PGM1: variants seen among roughly 807,000 people sequenced by gnomAD.
PGM1 encodes phosphoglucomutase 1, also known as phosphoglucomutase-1.
A neutral mutation model predicts 55.6 loss-of-function variants in PGM1; 52 were observed. The ratio of observed to expected loss-of-function variants is 0.94; its 90% CI spans 0.75 to 1.18. The LOEUF is 1.18. Among genes scored for constraint, PGM1 ranks in the 50% most tolerant of loss-of-function variants. PGM1 has a pLI of 0.00. For synonymous variants in PGM1, 287 were observed against 271.7 expected (o/e 1.06, Z -0.55); for missense variants, 724 against 729.3 (o/e 0.99, Z 0.08).
rs1341240302 is a variant in PGM1, at chr1:63,593,482, C to T, written c.-7C>T. On this transcript the variant is annotated 5_prime_UTR_variant, in exon 1 of 11. Coordinates refer to ENST00000371084, the MANE Select transcript of PGM1 (RefSeq NM_002633.3). ...GCCGCTCTGACCCCCGGCAGCAAGT[C>T]GCCACCATGGTGAAGATCGTGACAG... 1 of 1,613,430 alleles carries T rather than the reference C, an allele frequency of 6.2e-7. No homozygotes were observed. Among genetic ancestry groups the T allele is most frequent in the African/African-American group, 1.3e-5 (1 of 74,914 alleles).
chr1:63,634,586 A>T (rs887512820), intron 4 of PGM1, among the ~76,000 whole-genome samples: 1 of 151,856 alleles, frequency 6.6e-6, no homozygotes, highest in Non-Finnish European at 1.5e-5. Context: ...TCCTTTCCCC[A>T]CTCTGCCCTT....
chr1:63,611,618 C>A (rs568816379), intron 1 of PGM1, among the ~76,000 whole-genome samples: 42 of 152,260 alleles, frequency 2.8e-4, no homozygotes, highest in Non-Finnish European at 5.0e-4. Flanking sequence ...AAAAAGCTAT[C>A]TGTAGGCCGG....
intron 9 of PGM1, among the ~76,000 whole-genome samples, chr1:63,652,490 A>G (rs112320150): frequency 1.3e-5 from 2 of 152,178 alleles, no homozygotes; most frequent in African/African-American, 4.8e-5. Context: ...CGGGTACCCT[A>G]GGCTGCAGGC....
intron 1 of PGM1, among the ~76,000 whole-genome samples, chr1:63,626,732 CAT>C (rs1179203457): frequency 2.6e-5 from 4 of 152,152 alleles, no homozygotes; most frequent in Admixed American, 2.6e-4. Flanking sequence ...GTGGTAAAAA[CAT>C]GTAATAAAAT....
intron 7 of PGM1, among the ~76,000 whole-genome samples, chr1:63,640,617 A>G (rs1649490246): frequency 6.6e-6 from 1 of 152,156 alleles, no homozygotes; most frequent in South Asian, 2.1e-4. Flanking sequence ...AGCCTTGGTC[A>G]AGAGGGATCA....
At chr1:63,629,360 T>C in intron 1 of PGM1, 65 bp from the exon 2 acceptor site, 2 of 1,365,192 alleles carry the variant, frequency 1.5e-6, no homozygotes, top group Non-Finnish European at 2.1e-6. Flanking sequence ...GTCTTGGTGT[T>C]GTTTCTGAGC....
chr1:63,623,198 G>T (rs935383569), intron 1 of PGM1: 20 of 1,303,304 alleles, frequency 1.5e-5, no homozygotes, highest in Non-Finnish European at 1.8e-5. Context: ...TGGTTAAGTG[G>T]GCAGAAGTGT....
At chr1:63,638,384 A>C (rs561910749) in intron 6 of PGM1, among the ~76,000 whole-genome samples, 3 of 152,328 alleles carry the variant, frequency 2.0e-5, no homozygotes, top group Admixed American at 6.5e-5. Flanking sequence ...TGTATCCAAA[A>C]TGTGGATTTA....
At chr1:63,631,882 T>C in intron 4 of PGM1, 100 bp downstream of exon 4, 2 of 1,161,784 alleles carry the variant, frequency 1.7e-6, no homozygotes, top group Non-Finnish European at 2.6e-6. Context: ...CTCAAGTCTC[T>C]CTGATGGTTT....
At chr1:63,648,698 G>T (rs1430804319) in intron 8 of PGM1, 46 bp downstream of exon 8, 1 of 1,607,148 alleles carries the variant, frequency 6.2e-7, no homozygotes, top group Non-Finnish European at 8.5e-7. Context: ...GGGGAAGTGG[G>T]CAGAGAGAAT....
chr1:63,625,400 A>G (rs1403114903), intron 1 of PGM1, among the ~76,000 whole-genome samples: 2 of 152,212 alleles, frequency 1.3e-5, no homozygotes, highest in African/African-American at 4.8e-5. Flanking sequence ...CTGCATTTAA[A>G]ACAGTCATGC....
intron 9 of PGM1, among the ~76,000 whole-genome samples, chr1:63,653,230 A>G (rs1025471392): frequency 3.9e-5 from 6 of 152,224 alleles, no homozygotes; most frequent in Admixed American, 3.3e-4. Context: ...AGGGAAAAAT[A>G]TGATCCAACA....
At chr1:63,624,911 C>T (rs1038994988) in intron 1 of PGM1, among the ~76,000 whole-genome samples, 2 of 152,170 alleles carry the variant, frequency 1.3e-5, no homozygotes, top group Non-Finnish European at 2.9e-5. Flanking sequence ...ATCTGAATGC[C>T]TCTCATGTAA....
chr1:63,605,262 G>C (rs1273459276), intron 1 of PGM1, among the ~76,000 whole-genome samples: 1 of 152,140 alleles, frequency 6.6e-6, no homozygotes, highest in African/African-American at 2.4e-5. Context: ...GGTGACTTTT[G>C]CAGGCCAGGC....
chr1:63,607,461 AAG>A (rs918905635), intron 1 of PGM1, among the ~76,000 whole-genome samples: 8 of 152,150 alleles, frequency 5.3e-5, no homozygotes, highest in African/African-American at 1.9e-4. Flanking sequence ...CAGAAGGAAA[AAG>A]AGATGGTCAT....
chr1:63,595,358 A>T (rs182862447), intron 1 of PGM1, among the ~76,000 whole-genome samples: 135 of 152,344 alleles, frequency 8.9e-4, no homozygotes, highest in African/African-American at 3.2e-3. Flanking sequence ...TCCAATATAG[A>T]TCTGCCAATC....
chr1:63,647,135 C>T (rs946428173), intron 7 of PGM1, among the ~76,000 whole-genome samples: 5 of 151,206 alleles, frequency 3.3e-5, no homozygotes, highest in African/African-American at 4.9e-5. Context: ...CCCAGCTACT[C>T]GGGAGGCTGA....
intron 1 of PGM1, chr1:63,623,309 C>T: frequency 1.4e-6 from 2 of 1,467,120 alleles, no homozygotes; most frequent in Non-Finnish European, 1.8e-6. Context: ...AGGAATTAAC[C>T]AAGCTTTCTC....
At chr1:63,653,412 C>T (rs1649873755) in intron 9 of PGM1, among the ~76,000 whole-genome samples, 2 of 152,184 alleles carry the variant, frequency 1.3e-5, no homozygotes, top group Admixed American at 1.3e-4. Flanking sequence ...CTGTGTATTT[C>T]ATCTACTGTC....
Sources: allele counts gnomAD v4.1 joint callset (sites outside exome capture counted in the v4.1 genomes callset), GRCh38; gene constraint gnomAD v4.1.1; transcripts MANE v1.5; gene names NCBI Gene and HGNC (gene_info 2026-07-23, HGNC 2026-07-21).